Variants in PTP4A3 observed in about 807,000 individuals in gnomAD.
The protein encoded by PTP4A3 is protein tyrosine phosphatase type IVA 3.
In PTP4A3, 9 loss-of-function variants were observed where a neutral mutation model predicts 15.2. The observed-to-expected ratio is 0.59, with a 90% CI of 0.36 to 1.03. The LOEUF is 1.03. Among genes scored for constraint, PTP4A3 ranks in the 50% least tolerant of loss-of-function variants. PTP4A3 has a pLI of 0.02. For synonymous variants in PTP4A3, 95 were observed against 102.0 expected, an observed-to-expected ratio of 0.93 and a Z score of 0.41; for missense variants, 234 against 252.1, an observed-to-expected ratio of 0.93 and a Z score of 0.49.
intron 5 of PTP4A3, among the ~76,000 whole-genome samples, chr8:141,430,044 G>A (rs1586573936): frequency 2.6e-5 from 3 of 116,678 alleles, no homozygotes; most frequent in East Asian, 2.6e-4. Context: ...TAAGGACCAG[G>A]TGGCGGGGAC....
In PTP4A3 at chr8:141,421,965, TG is replaced by T. The variant is rs933020137; in HGVS notation, c.-268del. 76 of 423,330 alleles carry T rather than the reference TG, an allele frequency of 1.8e-4. No individual in the cohort carries two copies. Among genetic ancestry groups the T allele is most frequent in the East Asian group, 3.7e-4 (9 of 24,118 alleles). The allele number at this position is 423,330 out of a possible 1,614,324, so 26.2% of individuals were successfully genotyped here. On this transcript the variant is annotated 5_prime_UTR_variant, in exon 2 of 6. Transcript: ENST00000521578. Reference sequence around the variant, plus strand: ...GTTGCCCGCTTTACTTTGGTTGGGTTGGGGGGGGCGGCGGGCTGTTTTGTTC... The same window carrying T: ...GTTGCCCGCTTTACTTTGGTTGGGTTGGGGGGGCGGCGGGCTGTTTTGTTC...
intron 1 of PTP4A3, among the ~76,000 whole-genome samples, chr8:141,395,600 C>T (rs1563721907): frequency 6.8e-6 from 1 of 146,822 alleles, no homozygotes; most frequent in Non-Finnish European, 1.5e-5. Flanking sequence ...CTCCTGCAGC[C>T]CCCGTTCATC....
At position 141,426,531 on chromosome 8, in the gene PTP4A3, T is replaced by C. The variant is rs1586567484; in HGVS notation, c.199-408T>C. On this transcript the variant is annotated intron_variant, in intron 3 of 5. Transcript: ENST00000521578. ...CATCTTTGCATGCCAGCACAGGGGA[T>C]GAGACCCTTTGCACCAGCCGACCCA... 3 of 985,386 alleles carry C rather than the reference T, an allele frequency of 3.0e-6. No homozygotes were observed. In the Admixed American group the frequency reaches 1.8e-4, roughly 60 times the overall value. 61.0% of individuals were successfully genotyped at this position (985,386 alleles called of 1,614,324 possible).
At chr8:141,410,861 T>G (rs1476263298) in intron 1 of PTP4A3, among the ~76,000 whole-genome samples, 7 of 151,804 alleles carry the variant, frequency 4.6e-5, no homozygotes, top group African/African-American at 1.7e-4. Context: ...AAAGGAGCTG[T>G]CCCCTCCCCT....
Position 141,427,057 on chromosome 8 carries a change from C to A in PTP4A3, c.317C>A (p.Ala106Glu). 6.3e-7 allele frequency: 1 copy of A among 1,598,880 alleles called. No homozygotes were observed. ...AGCTGCGTGGCTGTGCACTGCGTGG[C>A]GGGCCTGGGCCGGTGAGTGTCGGGG... ...PGSCVAVHCV[A>E]GLGRAPVLVA... Residue 106 changes from alanine to glutamate, a missense_variant, in exon 4 of 6, where the codon GCG becomes GAG. By Grantham distance (107) the Ala-to-Glu change is moderately radical. Coordinates refer to ENST00000521578, the MANE Select transcript of PTP4A3 (RefSeq NM_032611.3).
At chr8:141,393,910 A>T (rs1465913226) in intron 1 of PTP4A3, among the ~76,000 whole-genome samples, 2 of 152,230 alleles carry the variant, frequency 1.3e-5, no homozygotes, top group Non-Finnish European at 2.9e-5. Flanking sequence ...ACATGAGGGC[A>T]TGCTTAACAG....
Position 141,422,094 on chromosome 8 carries a change from G to T in PTP4A3, c.-147G>T. The T allele has an allele frequency of 1.4e-6, 1 of 696,080 alleles. No homozygotes were observed. Among genetic ancestry groups the T allele is most frequent in the Non-Finnish European group, 2.5e-6 (1 of 407,008 alleles). 43.1% of individuals were successfully genotyped at this position (696,080 alleles called of 1,614,324 possible). A position where few individuals can be genotyped will look rare whatever the true frequency, so the allele number is the denominator to read the frequency against. On this transcript the variant is annotated 5_prime_UTR_variant, in exon 2 of 6. Transcript: ENST00000521578. ...TTGCACAATATTTGTGCGGGGTATG[G>T]GGGTGGGTTTTTAAATCTCGTTTCT...
intron 1 of PTP4A3, among the ~76,000 whole-genome samples, chr8:141,398,082 G>T (rs575344561): frequency 6.6e-6 from 1 of 152,324 alleles, no homozygotes; most frequent in African/African-American, 2.4e-5. Flanking sequence ...TCAGGGCCCA[G>T]TGGTGTTGGG....
intron 1 of PTP4A3, among the ~76,000 whole-genome samples, chr8:141,396,716 CG>C (rs1305526391): frequency 6.6e-6 from 1 of 152,144 alleles, no homozygotes; most frequent in East Asian, 1.9e-4. Context: ...ACGGTGGCCT[CG>C]GGAAGGGCTA....
chr8:141,430,598 C>T (rs572788100), intron 5 of PTP4A3, among the ~76,000 whole-genome samples: 1 of 152,334 alleles, frequency 6.6e-6, no homozygotes, highest in East Asian at 1.9e-4. Flanking sequence ...TGGAGGTGCC[C>T]AGGCACCACC....
intron 5 of PTP4A3, among the ~76,000 whole-genome samples, chr8:141,428,399 C>G (rs1326499217): frequency 6.6e-6 from 1 of 152,118 alleles, no homozygotes; most frequent in South Asian, 2.1e-4. Context: ...CCCAGGGGGT[C>G]CTGGGGGAGT....
chr8:141,422,459 T>TCA (rs1833380582), intron 2 of PTP4A3, 114 bp downstream of exon 2: 3 of 1,141,610 alleles, frequency 2.6e-6, no homozygotes, highest in Non-Finnish European at 3.9e-6. Context: ...CAGACAGGGC[T>TCA]CACAGCCTTG....
intron 1 of PTP4A3, among the ~76,000 whole-genome samples, chr8:141,402,312 T>C (rs1832613280): frequency 6.6e-6 from 1 of 152,136 alleles, no homozygotes; most frequent in Non-Finnish European, 1.5e-5. Context: ...TCTGGCGCCC[T>C]GCTCAGGGAG....
At chr8:141,409,825 G>T (rs1832819985) in intron 1 of PTP4A3, among the ~76,000 whole-genome samples, 1 of 152,250 alleles carries the variant, frequency 6.6e-6, no homozygotes, top group African/African-American at 2.4e-5. Context: ...CTCCTGCCCT[G>T]CTTGCGCTGG....
chr8:141,428,273 C>A (rs1389481361), intron 5 of PTP4A3, among the ~76,000 whole-genome samples: 2 of 151,960 alleles, frequency 1.3e-5, no homozygotes, highest in African/African-American at 2.4e-5. Flanking sequence ...TCCCCCCAAC[C>A]CCGAGCTCTC....
rs2130157418 is a variant in PTP4A3, at chr8:141,421,812, G to T, written c.-429G>T. ...GAGGGCGCCCCCGGTGTGGGGTCCAGCTCTGGACACTGCTTGGCGGCCGGG... is the reference window on the plus strand; with the variant it reads ...GAGGGCGCCCCCGGTGTGGGGTCCATCTCTGGACACTGCTTGGCGGCCGGG... On this transcript the variant is annotated 5_prime_UTR_variant, in exon 2 of 6. Transcript: ENST00000521578. 1 of 177,950 alleles carries T rather than the reference G, an allele frequency of 5.6e-6. No individual in the cohort carries two copies. The highest frequency in any genetic ancestry group is 1.2e-4 in the South Asian group (1 of 8,250). The allele number at this position is 177,950 out of a possible 1,614,324, so 11.0% of individuals were successfully genotyped here. A position where few individuals can be genotyped will look rare whatever the true frequency, so the allele number is the denominator to read the frequency against.
At chr8:141,415,624 C>CGGGGGGCAGGGAGCGGGGCG (rs1833012239) in intron 1 of PTP4A3, among the ~76,000 whole-genome samples, 1 of 38,388 alleles carries the variant, frequency 2.6e-5, no homozygotes, top group African/African-American at 9.6e-5. Context: ...GCGCGGAGGG[C>CGGGGGGCAGGGAGCGGGGCG]GGGGGGCAGG....
intron 2 of PTP4A3, among the ~76,000 whole-genome samples, chr8:141,422,670 C>T (rs1436689427): frequency 1.3e-5 from 2 of 152,172 alleles, no homozygotes; most frequent in African/African-American, 4.8e-5. Context: ...GCTGTGCGTG[C>T]TCAGCCGTGG....
intron 1 of PTP4A3, among the ~76,000 whole-genome samples, chr8:141,405,691 G>A (rs911792309): frequency 6.6e-6 from 1 of 152,102 alleles, no homozygotes; most frequent in Non-Finnish European, 1.5e-5. Context: ...CTTGTCCTGC[G>A]TGGGGAGAGA....
Sources: allele counts gnomAD v4.1 joint callset (sites outside exome capture counted in the v4.1 genomes callset), GRCh38; gene constraint gnomAD v4.1.1; transcripts MANE v1.5; gene names NCBI Gene and HGNC (gene_info 2026-07-23, HGNC 2026-07-21).